SKAP2: variants seen among roughly 807,000 people sequenced by gnomAD.
SKAP2 encodes src kinase associated phosphoprotein 2.
Under a neutral mutation model 54.9 loss-of-function variants are expected in SKAP2, and 28 were observed. That is an observed-to-expected ratio of 0.51 (90% CI 0.38 to 0.70). SKAP2 has a LOEUF of 0.70. SKAP2 is among the 30% of genes least tolerant of loss of function. The pLI is 0.00. For missense variants in SKAP2, 356 were observed against 424.1 expected (o/e 0.84, Z 1.41); for synonymous variants, 137 against 134.3 (o/e 1.02, Z -0.14).
At chr7:26,843,886 G>GAGCT in intron 4 of SKAP2, 144 bp downstream of exon 4, 1 of 534,412 alleles carries the variant, frequency 1.9e-6, no homozygotes, top group Non-Finnish European at 3.3e-6. Flanking sequence ...CCACTAGAGA[G>GAGCT]AGCTCTTCTG....
intron 3 of SKAP2, among the ~76,000 whole-genome samples, chr7:26,848,431 T>C (rs527304912): frequency 2.6e-5 from 4 of 152,334 alleles, no homozygotes; most frequent in African/African-American, 2.4e-5. Context: ...TGGTTCAATG[T>C]ACGCAAACTT....
chr7:26,741,369 T>TTTAA (rs1200931122), intron 4 of SKAP2, among the ~76,000 whole-genome samples: 202 of 150,822 alleles, frequency 1.3e-3, no homozygotes, highest in Non-Finnish European at 2.2e-3. Context: ...AATTTAAAAA[T>TTTAA]AACTGGGTGT....
At chr7:26,863,836 A>G (rs1785314727) in intron 1 of SKAP2, among the ~76,000 whole-genome samples, 1 of 152,152 alleles carries the variant, frequency 6.6e-6, no homozygotes, top group South Asian at 2.1e-4. Flanking sequence ...TGAATGTTTA[A>G]GAAAAACGGG....
At chr7:26,741,607 T>C (rs1036465799) in intron 4 of SKAP2, among the ~76,000 whole-genome samples, 1 of 151,746 alleles carries the variant, frequency 6.6e-6, no homozygotes, top group Admixed American at 6.6e-5. Context: ...TAAACAAATA[T>C]AATTGGATTC....
In SKAP2 at chr7:26,805,035, A is replaced by G. The variant is rs532489716; in HGVS notation, c.307+38995T>C. On this transcript the variant is annotated intron_variant, in intron 4 of 12. Coordinates refer to ENST00000345317, the MANE Select transcript of SKAP2 (RefSeq NM_003930.5). ...CACAGAAAATGTCTCTAGACAGATA[A>G]TATACTACAATTTTAACAGGGGTTA... is the stretch of plus-strand genomic sequence containing the variant. Among the ~76,000 whole-genome samples the G allele has an allele frequency of 1.8e-4, 27 of 152,248 alleles. No homozygotes were observed. The South Asian group carries it at 5.4e-3, about 30-fold the overall frequency.
chr7:26,817,550 A>AC, intron 4 of SKAP2, among the ~76,000 whole-genome samples: 1 of 152,202 alleles, frequency 6.6e-6, no homozygotes, highest in Non-Finnish European at 1.5e-5. Context: ...TCCAGTTGAT[A>AC]CAATTGCAGA....
At chr7:26,778,333 C>G (rs910783405) in intron 4 of SKAP2, among the ~76,000 whole-genome samples, 2 of 152,036 alleles carry the variant, frequency 1.3e-5, no homozygotes, top group African/African-American at 4.8e-5. Context: ...GCACCAATCT[C>G]AATTTGATGA....
chr7:26,746,272 C>G (rs1321144978), intron 4 of SKAP2, among the ~76,000 whole-genome samples: 1 of 152,188 alleles, frequency 6.6e-6, no homozygotes, highest in Non-Finnish European at 1.5e-5. Context: ...TTTAATTACA[C>G]TTTACTTTAT....
intron 4 of SKAP2, among the ~76,000 whole-genome samples, chr7:26,781,307 C>T (rs899997202): frequency 1.3e-5 from 2 of 151,848 alleles, no homozygotes; most frequent in Non-Finnish European, 2.9e-5. Flanking sequence ...GGGGTTTTTC[C>T]CTATTTCCTT....
At chr7:26,681,906 A>C (rs907946522) in intron 11 of SKAP2, among the ~76,000 whole-genome samples, 50 of 152,212 alleles carry the variant, frequency 3.3e-4, no homozygotes, top group Admixed American at 9.8e-4. Flanking sequence ...TAGGAAAGTA[A>C]TAACCCATAG....
chr7:26,827,613 A>T (rs996100356), intron 4 of SKAP2, among the ~76,000 whole-genome samples: 2 of 152,172 alleles, frequency 1.3e-5, no homozygotes, highest in Non-Finnish European at 2.9e-5. Context: ...TACTGTAAAT[A>T]ATTCTCTCTG....
chr7:26,844,579 TATG>T (rs1444125798), intron 3 of SKAP2, among the ~76,000 whole-genome samples: 2 of 152,060 alleles, frequency 1.3e-5, no homozygotes, highest in Non-Finnish European at 2.9e-5. Flanking sequence ...TTTGAAAAAT[TATG>T]ATGAGAAACT....
intron 4 of SKAP2, among the ~76,000 whole-genome samples, chr7:26,812,661 C>T (rs3801832): frequency 0.21 from 32,329 of 151,870 alleles, 3,523 homozygotes; most frequent in Non-Finnish European, 0.24. Context: ...CAAATAGTTT[C>T]GCATTATTTC....
At chr7:26,752,556 C>A (rs1782709635) in intron 4 of SKAP2, among the ~76,000 whole-genome samples, 1 of 152,124 alleles carries the variant, frequency 6.6e-6, no homozygotes, top group Admixed American at 6.6e-5. Context: ...AATTTTCAGA[C>A]AATCATTCCA....
chr7:26,670,036 A>G, intron 12 of SKAP2, 55 bp downstream of exon 12: 2 of 733,954 alleles, frequency 2.7e-6, no homozygotes, highest in Non-Finnish European at 4.9e-6. Context: ...CTCATAACGA[A>G]GAGACCAAGA....
At chr7:26,791,316 G>A (rs1783670034) in intron 4 of SKAP2, among the ~76,000 whole-genome samples, 1 of 152,006 alleles carries the variant, frequency 6.6e-6, no homozygotes, top group Non-Finnish European at 1.5e-5. Context: ...GTGCAGTGGT[G>A]TGATCACGGC....
intron 3 of SKAP2, among the ~76,000 whole-genome samples, chr7:26,845,391 G>A (rs1562633454): frequency 2.0e-5 from 3 of 152,096 alleles, no homozygotes; most frequent in Admixed American, 6.6e-5. Flanking sequence ...GCCACTTTGT[G>A]AGCAACTGTC....
At chr7:26,753,133 T>C (rs181441288) in intron 4 of SKAP2, among the ~76,000 whole-genome samples, 1 of 152,312 alleles carries the variant, frequency 6.6e-6, no homozygotes, top group Admixed American at 6.5e-5. Flanking sequence ...CTTTTTCTGA[T>C]ACCTAGTTTC....
intron 11 of SKAP2, among the ~76,000 whole-genome samples, chr7:26,675,662 T>C (rs183132650): frequency 1.3e-5 from 2 of 152,318 alleles, no homozygotes; most frequent in Non-Finnish European, 2.9e-5. Context: ...TCTTAAGAAA[T>C]GTAATTTCCA....
Sources: gnomAD v4.1 joint callset for allele counts (sites outside exome capture counted in the v4.1 genomes callset) on GRCh38, gnomAD v4.1.1 for gene constraint, MANE v1.5 for transcripts, NCBI Gene and HGNC (gene_info 2026-07-23, HGNC 2026-07-21) for gene names.